The following SLC39A10 variants were observed in gnomAD, a reference collection of about 807,000 sequenced individuals.
The protein encoded by SLC39A10 is zinc transporter ZIP10.
In SLC39A10, 13 loss-of-function variants were observed where a neutral mutation model predicts 65.1. The ratio of observed to expected loss-of-function variants is 0.20; its 90% CI spans 0.13 to 0.32. The LOEUF (loss-of-function observed/expected upper bound fraction) is 0.32. Ranked by LOEUF, SLC39A10 falls within the 10% of genes least tolerant of loss-of-function variation. The pLI is 1.00. For missense variants in SLC39A10, 831 were observed against 1,018.4 expected (o/e 0.82, Z 2.50); for synonymous variants, 321 against 342.2 (o/e 0.94, Z 0.68).
At chr2:195,688,798 G>A (rs1209632753) in intron 3 of SLC39A10, among the ~76,000 whole-genome samples, 1 of 152,060 alleles carries the variant, frequency 6.6e-6, no homozygotes, top group Non-Finnish European at 1.5e-5. Flanking sequence ...TACTACTTAT[G>A]TATATTTTTA....
chr2:195,646,826 A>G (rs1038082014), intron 2 of SLC39A10, among the ~76,000 whole-genome samples: 4 of 152,134 alleles, frequency 2.6e-5, no homozygotes, highest in African/African-American at 7.2e-5. Context: ...TAGGTTGCAC[A>G]CTGCTTATGA....
intron 2 of SLC39A10, among the ~76,000 whole-genome samples, chr2:195,614,155 T>C (rs1175655029): frequency 2.0e-5 from 3 of 152,158 alleles, no homozygotes; most frequent in East Asian, 1.9e-4. Flanking sequence ...GGAATAAAGA[T>C]AAAGGCCATG....
chr2:195,660,371 C>T (rs1347052895), intron 1 of SLC39A10, among the ~76,000 whole-genome samples: 3 of 152,076 alleles, frequency 2.0e-5, no homozygotes, highest in East Asian at 1.9e-4. Flanking sequence ...TCCTTTATAA[C>T]GGAAGTTTTA....
At chr2:195,729,607 C>T (rs145143032) in intron 9 of SLC39A10, among the ~76,000 whole-genome samples, 5 of 152,284 alleles carry the variant, frequency 3.3e-5, no homozygotes, top group African/African-American at 7.2e-5. Flanking sequence ...CTGATCCTCT[C>T]GTGCTGACTC....
chr2:195,692,205 T>C (rs1690772186), intron 3 of SLC39A10, among the ~76,000 whole-genome samples: 1 of 152,236 alleles, frequency 6.6e-6, no homozygotes, highest in Non-Finnish European at 1.5e-5. Flanking sequence ...TTGGTCTATG[T>C]GCCTATTTTT....
intron 1 of SLC39A10, among the ~76,000 whole-genome samples, chr2:195,663,946 CCCT>C (rs1321579769): frequency 6.6e-6 from 1 of 151,570 alleles, no homozygotes; most frequent in African/African-American, 2.4e-5. Flanking sequence ...TCAGCCCTTT[CCCT>C]CCTCCTTCTC....
intron 2 of SLC39A10, among the ~76,000 whole-genome samples, chr2:195,632,325 A>G (rs1574205014): frequency 3.4e-5 from 3 of 89,534 alleles, no homozygotes; most frequent in African/African-American, 1.0e-4. Context: ...TTTGAGACAG[A>G]GTCTCCCTCT....
chr2:195,662,392 C>T (rs925730719), intron 1 of SLC39A10, among the ~76,000 whole-genome samples: 1 of 151,774 alleles, frequency 6.6e-6, no homozygotes, highest in Non-Finnish European at 1.5e-5. Context: ...CCTCATCCTT[C>T]CTAGTAGCTG....
At chr2:195,658,686 G>A (rs1689262433) in intron 1 of SLC39A10, 1 of 152,124 alleles carries the variant, frequency 6.6e-6, no homozygotes, top group South Asian at 2.1e-4. Flanking sequence ...TTTGTATTAG[G>A]ACTCTATTGT....
chr2:195,659,181 C>A (rs922170681), intron 1 of SLC39A10, among the ~76,000 whole-genome samples: 2 of 152,100 alleles, frequency 1.3e-5, no homozygotes, highest in Non-Finnish European at 2.9e-5. Context: ...ATTCTGCGTT[C>A]CGTACATAGA....
chr2:195,719,876 C>G (rs1435676844), intron 8 of SLC39A10, among the ~76,000 whole-genome samples: 1 of 148,754 alleles, frequency 6.7e-6, no homozygotes, highest in Non-Finnish European at 1.5e-5. Flanking sequence ...CCTCAACCTC[C>G]GCCTCCCGGG....
Position 195,737,603 on chromosome 2 carries a change from GT to G in SLC39A10, c.*2574del, listed in dbSNP as rs5837477. On this transcript the variant is annotated 3_prime_UTR_variant, in exon 10 of 10. Coordinates refer to ENST00000359634, the MANE Select transcript of SLC39A10 (RefSeq NM_020342.3). ...AAAAAGCTGGAAAATATCAAATGCT[GT>G]TTTTTTTTTTTCATTGTCAACAGTG... 7,241 of 167,312 alleles carry G rather than the reference GT, an allele frequency of 0.043. 328 individuals carry two copies. The highest frequency in any genetic ancestry group is 0.12 in the African/African-American group (4,769 of 41,068). 10.4% of individuals were successfully genotyped at this position (167,312 alleles called of 1,614,324 possible).
intron 1 of SLC39A10, chr2:195,671,844 C>T (rs575683248): frequency 6.6e-6 from 1 of 152,204 alleles, no homozygotes; most frequent in East Asian, 1.9e-4. Flanking sequence ...GAAGAAACTT[C>T]TGAACCTGGA....
At chr2:195,657,581 C>G in intron 1 of SLC39A10, 1 of 982,522 alleles carries the variant, frequency 1.0e-6, no homozygotes, top group Non-Finnish European at 1.2e-6. Flanking sequence ...GCGTGCGGAG[C>G]CTCGCGCCCC....
In SLC39A10 at chr2:195,627,046, T is replaced by C. The variant is rs1056810303; in HGVS notation, c.-12+20813T>C. 2.0e-5 allele frequency among the ~76,000 whole-genome samples: 3 copies of C among 152,212 alleles called. No individual in the cohort carries two copies. In the South Asian group the frequency reaches 6.2e-4, roughly 31 times the overall value. On this transcript the variant is annotated intron_variant, in intron 2 of 2. Coordinates refer to the SLC39A10 transcript ENST00000458054. ...AAATATATTCATGATTATGCATCAG[T>C]ATATTCTTAACAGCTCAAAGATTTG...
rs191342355 is a variant in SLC39A10, at chr2:195,630,848, A to G, written c.-12+24615A>G. ...ACTAAAAAATTCAATCTCTAATTAA[A>G]ACACCAAACATATTTTGGCCCCAAG... On this transcript the variant is annotated intron_variant, in intron 2 of 2. Coordinates refer to the SLC39A10 transcript ENST00000458054. 4.6e-5 allele frequency among the ~76,000 whole-genome samples: 7 copies of G among 152,370 alleles called. No individual in the cohort carries two copies. The East Asian group carries it at 1.3e-3, about 29-fold the overall frequency.
At chr2:195,651,906 C>T (rs1225904887), upstream of SLC39A10, among the ~76,000 whole-genome samples, 1 of 152,190 alleles carries the variant, frequency 6.6e-6, no homozygotes, top group African/African-American at 2.4e-5. Flanking sequence ...AATTCTGTAA[C>T]TTATTTGAAG....
chr2:195,680,964 A>G lies in SLC39A10; in HGVS notation c.922A>G (p.Thr308Ala), dbSNP rs764237778. Residue 308 changes from threonine (T) to alanine (A), a missense_variant, in exon 2 of 10, where the codon ACT (threonine) becomes GCT (alanine). Physicochemically the swap from Thr to Ala is moderately conservative, Grantham distance 58. This residue lies in a region of SLC39A10 where 446 missense variants were observed against 499.2 expected (regional missense o/e 0.89). Coordinates refer to ENST00000359634, the MANE Select transcript of SLC39A10 (RefSeq NM_020342.3). Reference protein sequence around the residue: ...DPDNEGELRHTRKREAPHVKN... With the variant: ...DPDNEGELRHARKREAPHVKN... ...TGATAATGAAGGTGAACTTCGACAT[A>G]CTAGAAAGAGAGAAGCACCACATGT... 5.6e-6 allele frequency: 9 copies of G among 1,614,012 alleles called. No homozygotes were observed. Among genetic ancestry groups the G allele is most frequent in the Non-Finnish European group, 7.6e-6 (9 of 1,180,010 alleles).
At chr2:195,690,145 C>T (rs1215967879) in intron 3 of SLC39A10, among the ~76,000 whole-genome samples, 1 of 117,262 alleles carries the variant, frequency 8.5e-6, no homozygotes, top group Non-Finnish European at 1.6e-5. Context: ...CACTGCACTC[C>T]AGACTGGGCA....
Sources: gnomAD v4.1 joint callset for allele counts (sites outside exome capture counted in the v4.1 genomes callset) on GRCh38, gnomAD v4.1.1 for gene constraint, gnomAD v4.1.1 regional missense constraint, MANE v1.5 for transcripts, NCBI Gene and HGNC (gene_info 2026-07-23, HGNC 2026-07-21) for gene names.